Variants in PPIG observed in about 807,000 individuals in gnomAD.
The protein encoded by PPIG is peptidylprolyl isomerase G, also known as peptidyl-prolyl cis-trans isomerase G.
A neutral mutation model predicts 87.9 loss-of-function variants in PPIG; 26 were observed. That is an observed-to-expected ratio of 0.30 (90% CI 0.22 to 0.41). The LOEUF (loss-of-function observed/expected upper bound fraction) is 0.41. Ranked by LOEUF, PPIG falls within the 10% of genes least tolerant of loss-of-function variation. PPIG has a pLI of 1.00. For synonymous variants in PPIG, 308 were observed against 276.5 expected (o/e 1.11, Z -1.13); for missense variants, 722 against 879.4 (o/e 0.82, Z 2.26).
intron 9 of PPIG, among the ~76,000 whole-genome samples, chr2:169,624,773 G>A (rs1374610429): frequency 6.6e-6 from 1 of 151,972 alleles, no homozygotes; most frequent in Admixed American, 6.6e-5. Flanking sequence ...TGTATTTTTA[G>A]TAGAGATGGG....
intron 11 of PPIG, among the ~76,000 whole-genome samples, chr2:169,632,249 T>C (rs113847664): frequency 2.4e-3 from 367 of 152,354 alleles, no homozygotes; most frequent in African/African-American, 8.5e-3. Context: ...TATAGTGTTA[T>C]TTGTGTACAG....
chr2:169,587,443 T>C (rs1305331768), intron 1 of PPIG, among the ~76,000 whole-genome samples: 1 of 152,084 alleles, frequency 6.6e-6, no homozygotes, highest in Non-Finnish European at 1.5e-5. Context: ...GGTTTCACCA[T>C]GTTGGTTAGG....
chr2:169,591,156 A>G (rs185876805), intron 1 of PPIG, among the ~76,000 whole-genome samples: 3 of 152,364 alleles, frequency 2.0e-5, no homozygotes, highest in East Asian at 3.9e-4. Context: ...CCGCTACTAT[A>G]TATTTTAATA....
intron 1 of PPIG, among the ~76,000 whole-genome samples, chr2:169,602,759 G>A (rs1336713964): frequency 6.6e-6 from 1 of 152,186 alleles, no homozygotes; most frequent in African/African-American, 2.4e-5. Context: ...GTTTTAGGCA[G>A]GGGAAGGATA....
chr2:169,607,030 C>A, intron 5 of PPIG, 74 bp from the exon 6 acceptor site: 1 of 894,696 alleles, frequency 1.1e-6, no homozygotes. Context: ...ATCTACTTTA[C>A]AAGAAGTATT....
intron 1 of PPIG, among the ~76,000 whole-genome samples, chr2:169,602,063 C>A (rs1196919201): frequency 6.6e-6 from 1 of 152,168 alleles, no homozygotes; most frequent in Non-Finnish European, 1.5e-5. Flanking sequence ...GTACTTAATA[C>A]AAACTTTGTT....
intron 2 of PPIG, 23 bp downstream of exon 2, chr2:169,603,717 TA>T: frequency 4.1e-6 from 1 of 241,482 alleles, no homozygotes; most frequent in Non-Finnish European, 8.0e-6. Flanking sequence ...TTGAGTTCAC[TA>T]ATCATACAGA....
intron 6 of PPIG, among the ~76,000 whole-genome samples, chr2:169,607,768 A>C (rs1448967178): frequency 6.6e-6 from 1 of 152,232 alleles, no homozygotes; most frequent in Non-Finnish European, 1.5e-5. Flanking sequence ...ATGCTATGGC[A>C]GAGGTTAAGT....
At chr2:169,616,783 C>G (rs1465152233) in intron 9 of PPIG, among the ~76,000 whole-genome samples, 2 of 151,976 alleles carry the variant, frequency 1.3e-5, no homozygotes, top group African/African-American at 4.8e-5. Context: ...AAAATGTTCT[C>G]CCATTCTATA....
At chr2:169,614,846 T>G in intron 9 of PPIG, 122 bp downstream of exon 9, 1 of 1,149,984 alleles carries the variant, frequency 8.7e-7, no homozygotes. Flanking sequence ...TGTTTTAAAA[T>G]GTATTTCTGT....
At chr2:169,616,322 C>T (rs1185312281) in intron 9 of PPIG, among the ~76,000 whole-genome samples, 1 of 152,070 alleles carries the variant, frequency 6.6e-6, no homozygotes, top group South Asian at 2.1e-4. Context: ...GTGCATGTGT[C>T]TTTATAGAAG....
intron 1 of PPIG, among the ~76,000 whole-genome samples, chr2:169,590,658 C>T (rs1202928167): frequency 6.6e-6 from 1 of 151,990 alleles, no homozygotes; most frequent in African/African-American, 2.4e-5. Flanking sequence ...AACAAACAAA[C>T]AAACAGACCT....
chr2:169,591,920 A>ATTTTTTTTTTTTT, intron 1 of PPIG, among the ~76,000 whole-genome samples: 1 of 87,410 alleles, frequency 1.1e-5, no homozygotes, highest in Non-Finnish European at 2.0e-5. Flanking sequence ...GCAATTCATG[A>ATTTTTTTTTTTTT]TTTTTTTTTT....
At position 169,639,077 on chromosome 2, in the gene PPIG, G is replaced by C. The variant is rs1686254579; in HGVS notation, c.*1554G>C. 1 of 152,016 alleles carries C rather than the reference G, an allele frequency of 6.6e-6. No homozygotes were observed. Among genetic ancestry groups the C allele is most frequent in the Non-Finnish European group, 1.5e-5 (1 of 67,906 alleles). 9.4% of individuals were successfully genotyped at this position (152,016 alleles called of 1,614,324 possible). A position where few individuals can be genotyped will look rare whatever the true frequency, so the allele number is the denominator to read the frequency against. Reference sequence around the variant, plus strand: ...ATGCAATATTGATATATTTGGCGTTGTGGTAGCTGTTGCAGAATGAATAGT... The same window carrying C: ...ATGCAATATTGATATATTTGGCGTTCTGGTAGCTGTTGCAGAATGAATAGT... On this transcript the variant is annotated 3_prime_UTR_variant, in exon 14 of 14. Coordinates refer to ENST00000260970, the MANE Select transcript of PPIG (RefSeq NM_004792.3).
intron 1 of PPIG, 143 bp from the exon 2 acceptor site, chr2:169,603,493 TTAACAA>T (rs1559178372): frequency 9.4e-5 from 1 of 10,634 alleles, no homozygotes; most frequent in Admixed American, 2.0e-3. Flanking sequence ...CATATACTAT[TTAACAA>T]TAGTTAAATA....
At chr2:169,631,555 T>C (rs1574464285) in intron 10 of PPIG, 1 of 1,320,132 alleles carries the variant, frequency 7.6e-7, no homozygotes, top group Non-Finnish European at 9.6e-7. Flanking sequence ...TTTGAGAGTG[T>C]GATAATCGAA....
Position 169,584,426 on chromosome 2 carries a change from C to G in PPIG, c.-134C>G. ...TAGCGGGCTTTAGCGCCTTTTCTGG[C>G]GGCGGTAGATTTGAAGCGCTTCAAA... On this transcript the variant is annotated 5_prime_UTR_variant, in exon 1 of 14. Transcript: ENST00000260970. The G allele has an allele frequency of 2.1e-6, 1 of 471,020 alleles. No homozygotes were observed. Among genetic ancestry groups the G allele is most frequent in the Non-Finnish European group, 4.4e-6 (1 of 227,028 alleles). 29.2% of individuals were successfully genotyped at this position (471,020 alleles called of 1,614,324 possible).
chr2:169,602,858 A>G (rs1574443477), intron 1 of PPIG, among the ~76,000 whole-genome samples: 1 of 152,148 alleles, frequency 6.6e-6, no homozygotes, highest in South Asian at 2.1e-4. Flanking sequence ...AATAAGAGAA[A>G]CCAGTTAGGA....
chr2:169,600,943 T>G lies in PPIG; in HGVS notation c.-69-2699T>G, dbSNP rs891903403. On this transcript the variant is annotated intron_variant, in intron 1 of 13. Transcript: ENST00000260970. ...ATTGCAAAAATTCAAACCTTATACG[T>G]AAAGCTGAAGGCCCCCAATGACTTC... Among the ~76,000 whole-genome samples the G allele has an allele frequency of 6.1e-5, 9 of 148,672 alleles. No individual in the cohort carries two copies. The Admixed American group carries it at 6.1e-4, about 10-fold the overall frequency.
Sources: allele counts gnomAD v4.1 joint callset (sites outside exome capture counted in the v4.1 genomes callset), GRCh38; gene constraint gnomAD v4.1.1; transcripts MANE v1.5; gene names NCBI Gene and HGNC (gene_info 2026-07-23, HGNC 2026-07-21).